The following MAGI1 variants were observed in gnomAD, a reference collection of about 807,000 sequenced individuals.
MAGI1 encodes the protein membrane-associated guanylate kinase, WW and PDZ domain-containing protein 1.
MAGI1 carries 58 observed loss-of-function variants against 139.9 expected under a neutral mutation model. The ratio of observed to expected loss-of-function variants is 0.41; its 90% confidence interval spans 0.34 to 0.52. The LOEUF (loss-of-function observed/expected upper bound fraction) is 0.52, where lower values mean the gene tolerates loss of function less well. MAGI1 is among the 20% of genes least tolerant of loss of function. The pLI, the probability that MAGI1 is intolerant of heterozygous loss-of-function variation, is 0.12. For missense variants in MAGI1, 1,874 were observed against 1,901.6 expected (o/e 0.99, Z 0.27); for synonymous variants, 812 against 737.9 (o/e 1.10, Z -1.63).
rs144433737 is a variant in MAGI1, at chr3:65,561,675, A to T, written c.430+60297T>A. Among the ~76,000 whole-genome samples, 535 of 152,326 alleles carry T rather than the reference A, an allele frequency of 3.5e-3. 4 individuals are homozygous for T. Among genetic ancestry groups the T allele is most frequent in the African/African-American group, 0.012 (515 of 41,586 alleles). On this transcript the variant is annotated intron_variant, in intron 2 of 22. Coordinates refer to ENST00000402939, the MANE Select transcript of MAGI1 (RefSeq NM_001033057.2). The stretch of plus-strand genomic sequence containing the variant: ...CAACTCTCGTTTTATACATGACAAA[A>T]CTAAGACATACAGATGTGATATTTA...
intron 2 of MAGI1, among the ~76,000 whole-genome samples, chr3:65,572,190 A>G (rs2080991191): frequency 1.3e-5 from 2 of 152,154 alleles, no homozygotes; most frequent in South Asian, 4.1e-4. Flanking sequence ...ATACTTTAAG[A>G]ATAATATCTT....
intron 1 of MAGI1, among the ~76,000 whole-genome samples, chr3:65,733,309 C>G (rs906907781): frequency 6.6e-6 from 1 of 152,198 alleles, no homozygotes; most frequent in Non-Finnish European, 1.5e-5. Flanking sequence ...ATCCGCCCAC[C>G]TCAGCCTCCC....
intron 1 of MAGI1, among the ~76,000 whole-genome samples, chr3:65,827,915 T>A (rs546978631): frequency 6.6e-6 from 1 of 152,308 alleles, no homozygotes; most frequent in East Asian, 1.9e-4. Flanking sequence ...ATTAATAGCA[T>A]CTTTATGTCT....
At chr3:65,881,565 T>C (rs780014830) in intron 1 of MAGI1, among the ~76,000 whole-genome samples, 12 of 151,838 alleles carry the variant, frequency 7.9e-5, no homozygotes, top group Non-Finnish European at 1.3e-4. Context: ...CGTTGGAGGC[T>C]GTAGTGAGCC....
chr3:65,945,945 T>A (rs772754785), intron 1 of MAGI1, among the ~76,000 whole-genome samples: 1 of 152,242 alleles, frequency 6.6e-6, no homozygotes, highest in Non-Finnish European at 1.5e-5. Context: ...GTGGTAATCA[T>A]TCTTTTAAAA....
intron 18 of MAGI1, among the ~76,000 whole-genome samples, chr3:65,365,543 T>G (rs894354591): frequency 6.6e-6 from 1 of 152,220 alleles, no homozygotes. Context: ...AAAAGTCCTA[T>G]AGTAATAGCT....
At chr3:65,516,469 G>A (rs1275499414) in intron 2 of MAGI1, among the ~76,000 whole-genome samples, 2 of 151,966 alleles carry the variant, frequency 1.3e-5, no homozygotes, top group African/African-American at 4.8e-5. Flanking sequence ...GAGCCACCGT[G>A]CCTGGCCGAC....
intron 1 of MAGI1, among the ~76,000 whole-genome samples, chr3:65,826,072 T>A (rs2042212368): frequency 6.6e-6 from 1 of 152,150 alleles, no homozygotes; most frequent in Non-Finnish European, 1.5e-5. Flanking sequence ...TAGTTGTATA[T>A]ATGTGTAGAT....
In MAGI1 at chr3:66,037,355, G is replaced by C. The variant is rs182059406; in HGVS notation, c.313+641C>G. Among the ~76,000 whole-genome samples the C allele has an allele frequency of 2.0e-3, 309 of 152,140 alleles. 5 individuals carry two copies. Among genetic ancestry groups the C allele is most frequent in the African/African-American group, 7.1e-3 (295 of 41,504 alleles). On this transcript the variant is annotated intron_variant, in intron 1 of 22. Coordinates refer to ENST00000402939, the MANE Select transcript of MAGI1 (RefSeq NM_001033057.2). ...GGGAGGGTAAACTTGGACCCGATTCGAGCTAAAAGCAAGCACCCCTTCCCC... is the reference window on the plus strand; with the variant it reads ...GGGAGGGTAAACTTGGACCCGATTCCAGCTAAAAGCAAGCACCCCTTCCCC...
At chr3:65,921,595 C>G (rs1284861533) in intron 1 of MAGI1, among the ~76,000 whole-genome samples, 1 of 152,128 alleles carries the variant, frequency 6.6e-6, no homozygotes, top group Admixed American at 6.6e-5. Flanking sequence ...TAGGCATGAG[C>G]CACCGTGCCC....
intron 1 of MAGI1, among the ~76,000 whole-genome samples, chr3:65,670,757 A>C (rs2086807155): frequency 6.6e-6 from 1 of 152,200 alleles, no homozygotes; most frequent in Admixed American, 6.5e-5. Context: ...AGATAAATAT[A>C]GCCCTTGCCC....
intron 1 of MAGI1, among the ~76,000 whole-genome samples, chr3:65,699,004 T>C: frequency 7.5e-6 from 1 of 133,668 alleles, no homozygotes; most frequent in East Asian, 2.2e-4. Context: ...ATCCAGAATC[T>C]ACAATGAACT....
intron 1 of MAGI1, among the ~76,000 whole-genome samples, chr3:65,858,820 A>G (rs2059450620): frequency 6.6e-6 from 1 of 152,240 alleles, no homozygotes; most frequent in Non-Finnish European, 1.5e-5. Flanking sequence ...ATATAAATTA[A>G]AATAGTAATA....
At chr3:65,415,188 C>T (rs1946114709) in intron 12 of MAGI1, among the ~76,000 whole-genome samples, 1 of 152,130 alleles carries the variant, frequency 6.6e-6, no homozygotes, top group African/African-American at 2.4e-5. Flanking sequence ...CATCTCCTAC[C>T]ACCTTTCCTT....
chr3:65,744,480 A>C (rs2035529411), intron 1 of MAGI1, among the ~76,000 whole-genome samples: 1 of 152,240 alleles, frequency 6.6e-6, no homozygotes, highest in Admixed American at 6.5e-5. Context: ...GAAAGATTAT[A>C]GTGGCACTGT....
chr3:65,972,002 G>T (rs1393498341), intron 1 of MAGI1, among the ~76,000 whole-genome samples: 1 of 152,218 alleles, frequency 6.6e-6, no homozygotes, highest in Non-Finnish European at 1.5e-5. Context: ...AGGGATGAGA[G>T]AACTAGCAAA....
chr3:65,891,397 T>C (rs1474088632), intron 1 of MAGI1, among the ~76,000 whole-genome samples: 2 of 152,096 alleles, frequency 1.3e-5, no homozygotes, highest in African/African-American at 4.8e-5. Context: ...CACCCATCAC[T>C]GACCAATCAC....
intron 1 of MAGI1, among the ~76,000 whole-genome samples, chr3:65,857,041 A>G (rs2059398093): frequency 6.6e-6 from 1 of 152,224 alleles, no homozygotes; most frequent in Admixed American, 6.5e-5. Flanking sequence ...GCCAGCTCCA[A>G]CAGAGGTAAT....
chr3:65,747,149 T>C (rs775231078), intron 1 of MAGI1, among the ~76,000 whole-genome samples: 1 of 152,214 alleles, frequency 6.6e-6, no homozygotes, highest in Admixed American at 6.5e-5. Flanking sequence ...ACCTAAAGGA[T>C]GAATAAGAGT....
Sources: gnomAD v4.1 joint callset for allele counts (sites outside exome capture counted in the v4.1 genomes callset) on GRCh38, gnomAD v4.1.1 for gene constraint, MANE v1.5 for transcripts, NCBI Gene and HGNC (gene_info 2026-07-23, HGNC 2026-07-21) for gene names.